Variants in TMEM272 observed in about 807,000 individuals in gnomAD.
TMEM272 encodes the protein long intergenic non-protein coding RNA 282.
Under a neutral mutation model 3.7 loss-of-function variants are expected in TMEM272, and 8 were observed. The ratio of observed to expected loss-of-function variants is 2.17; its 90% CI spans 1.27 to 3.91. The LOEUF (loss-of-function observed/expected upper bound fraction) is 3.91, where lower values mean the gene tolerates loss of function less well. Ranked by LOEUF, TMEM272 falls within the 30% of genes most tolerant of loss-of-function variation. The pLI is 0.00. For synonymous variants in TMEM272, 63 were observed against 39.8 expected, an observed-to-expected ratio of 1.58 and a Z score of -2.20; for missense variants, 166 against 91.5, an observed-to-expected ratio of 1.81 and a Z score of -3.32.
chr13:51,874,764 T>G, the TMEM272 span, among the ~76,000 whole-genome samples: 1 of 152,270 alleles, frequency 6.6e-6, no homozygotes, highest in East Asian at 1.9e-4. Context: ...AACACTTGTT[T>G]TCCTATTTTT....
the TMEM272 span, among the ~76,000 whole-genome samples, chr13:51,916,478 C>A: frequency 6.6e-6 from 1 of 152,232 alleles, no homozygotes; most frequent in Non-Finnish European, 1.5e-5. Flanking sequence ...CAAGTGGTAG[C>A]TATCATCAAC....
chr13:51,852,637 T>C, the TMEM272 span, among the ~76,000 whole-genome samples: 1 of 152,136 alleles, frequency 6.6e-6, no homozygotes, highest in South Asian at 2.1e-4. Flanking sequence ...CCCAGGACTT[T>C]GGGAGGCCAA....
chr13:51,863,498 G>A, the TMEM272 span, among the ~76,000 whole-genome samples: 6 of 152,114 alleles, frequency 3.9e-5, no homozygotes, highest in Non-Finnish European at 7.3e-5. Flanking sequence ...TTCAGGAAAT[G>A]TTAAGGATCT....
the TMEM272 span, among the ~76,000 whole-genome samples, chr13:51,914,202 C>T: frequency 1.3e-5 from 2 of 152,222 alleles, no homozygotes; most frequent in African/African-American, 2.4e-5. Flanking sequence ...ACCAGTTCCA[C>T]GGGTGCTACA....
At chr13:51,861,588 C>T in the TMEM272 span, among the ~76,000 whole-genome samples, 1 of 151,984 alleles carries the variant, frequency 6.6e-6, no homozygotes, top group Admixed American at 6.5e-5. Context: ...GAAAAATGAA[C>T]GTAACTTTAG....
the TMEM272 span, among the ~76,000 whole-genome samples, chr13:51,914,168 C>G: frequency 2.0e-5 from 3 of 152,224 alleles, no homozygotes; most frequent in Admixed American, 6.5e-5. Context: ...TTCCCAAGGT[C>G]AGTTCAGCTC....
At chr13:51,909,627 T>C in the TMEM272 span, 18 of 1,428,316 alleles carry the variant, frequency 1.3e-5, no homozygotes, top group Non-Finnish European at 1.6e-5. Context: ...TTGGTTTCTT[T>C]CTCCTTCTAA....
At chr13:51,911,509 A>G in the TMEM272 span, among the ~76,000 whole-genome samples, 1 of 152,216 alleles carries the variant, frequency 6.6e-6, no homozygotes, top group African/African-American at 2.4e-5. Flanking sequence ...CTGCCCTGCA[A>G]TGAGCCATCA....
At position 51,813,822 on chromosome 13, in the gene TMEM272, C is replaced by T. The variant is rs897956690; in HGVS notation, c.*2929G>A. 1 of 152,310 alleles carries T rather than the reference C, an allele frequency of 6.6e-6. No individual in the cohort carries two copies. Among genetic ancestry groups the T allele is most frequent in the African/African-American group, 2.4e-5 (1 of 41,452 alleles). 9.4% of individuals were successfully genotyped at this position (152,310 alleles called of 1,614,324 possible). ...TGCCCGATGTAGCAAATAAAATGATCTCAACATATAGTTTATCTTTGCTGC... is the reference window on the plus strand; with the variant it reads ...TGCCCGATGTAGCAAATAAAATGATTTCAACATATAGTTTATCTTTGCTGC... On this transcript the variant is annotated 3_prime_UTR_variant, in exon 5 of 5. Transcript: ENST00000629372.
At chr13:51,826,234 A>G (rs985498953) in intron 3 of TMEM272, among the ~76,000 whole-genome samples, 3 of 151,758 alleles carry the variant, frequency 2.0e-5, no homozygotes, top group African/African-American at 7.3e-5. Context: ...ACAAGGGAAC[A>G]TAGGAACTGG....
the TMEM272 span, among the ~76,000 whole-genome samples, chr13:51,927,035 T>C: frequency 2.0e-5 from 3 of 152,112 alleles, no homozygotes; most frequent in Non-Finnish European, 4.4e-5. Flanking sequence ...GAAACCCCAA[T>C]AAACCCAAGT....
the TMEM272 span, among the ~76,000 whole-genome samples, chr13:51,911,863 G>A: frequency 1.3e-5 from 2 of 151,650 alleles, no homozygotes; most frequent in African/African-American, 2.4e-5. Context: ...CCTCCTCTCC[G>A]ACCCACTCCC....
the TMEM272 span, among the ~76,000 whole-genome samples, chr13:51,912,945 G>A: frequency 1.3e-5 from 2 of 152,196 alleles, no homozygotes; most frequent in East Asian, 1.9e-4. Context: ...TGTGAACCCA[G>A]GATTCTGCCT....
chr13:51,844,248 A>ATATG (rs1956286329), intron 1 of TMEM272, among the ~76,000 whole-genome samples: 1 of 151,912 alleles, frequency 6.6e-6, no homozygotes, highest in Non-Finnish European at 1.5e-5. Context: ...ACACACACAT[A>ATATG]TATATATATG....
At chr13:51,856,767 A>G in the TMEM272 span, among the ~76,000 whole-genome samples, 1 of 152,240 alleles carries the variant, frequency 6.6e-6, no homozygotes, top group Non-Finnish European at 1.5e-5. Flanking sequence ...GTAGAATTTT[A>G]AAAAGCATAC....
chr13:51,819,676 A>T (rs1404591622), intron 4 of TMEM272, among the ~76,000 whole-genome samples: 2 of 152,194 alleles, frequency 1.3e-5, no homozygotes, highest in African/African-American at 4.8e-5. Flanking sequence ...ATCCTTCCTG[A>T]AGCAAGTACC....
the TMEM272 span, chr13:51,909,003 C>T: frequency 6.9e-7 from 1 of 1,454,186 alleles, no homozygotes; most frequent in Non-Finnish European, 9.6e-7. Flanking sequence ...TCTCAGTGGA[C>T]CCTCCAACAA....
At chr13:51,877,924 C>T in the TMEM272 span, among the ~76,000 whole-genome samples, 2 of 152,110 alleles carry the variant, frequency 1.3e-5, no homozygotes, top group East Asian at 3.8e-4. Context: ...TTTTGTTGTA[C>T]CCCTCCTTGT....
rs1955999785 is a variant in TMEM272 at position 51,814,594 on chromosome 13, T to C, written c.*2157A>G. The C allele has an allele frequency of 6.6e-6, 1 of 152,242 alleles. No individual in the cohort carries two copies. The highest frequency in any genetic ancestry group is 2.4e-5 in the African/African-American group (1 of 41,464). The allele number at this position is 152,242 out of a possible 1,614,324, so 9.4% of individuals were successfully genotyped here. A position where few individuals can be genotyped will look rare whatever the true frequency, so the allele number is the denominator to read the frequency against. On this transcript the variant is annotated 3_prime_UTR_variant, in exon 5 of 5. Coordinates refer to ENST00000629372, the MANE Select transcript of TMEM272 (RefSeq NM_001351003.2). Reference sequence around the variant, plus strand: ...AAAGAGATCATCACCTCTTCCTTACTGCTTTGGTGACAAGAAAACTCAAAG... The same window carrying C: ...AAAGAGATCATCACCTCTTCCTTACCGCTTTGGTGACAAGAAAACTCAAAG...
Sources: gnomAD v4.1 joint callset for allele counts (sites outside exome capture counted in the v4.1 genomes callset) on GRCh38, gnomAD v4.1.1 for gene constraint, MANE v1.5 for transcripts, NCBI Gene and HGNC (gene_info 2026-07-23, HGNC 2026-07-21) for gene names.